GRIK2: variants seen among roughly 807,000 people sequenced by gnomAD.
GRIK2 encodes glutamate ionotropic receptor kainate type subunit 2, also known as glutamate receptor ionotropic, kainate 2.
A neutral mutation model predicts 100.3 loss-of-function variants in GRIK2; 32 were observed. The ratio of observed to expected loss-of-function variants is 0.32; its 90% CI spans 0.24 to 0.43. The LOEUF (loss-of-function observed/expected upper bound fraction) is 0.43, where lower values mean the gene tolerates loss of function less well. Among genes scored for constraint, GRIK2 ranks in the 20% least tolerant of loss-of-function variants. The pLI, the probability that GRIK2 is intolerant of heterozygous loss-of-function variation, is 1.00. For missense variants in GRIK2, 843 were observed against 1,114.9 expected, an observed-to-expected ratio of 0.76 and a Z score of 3.47; for synonymous variants, 417 against 389.4, an observed-to-expected ratio of 1.07 and a Z score of -0.83.
chr6:101,960,048 G>T (rs1020610216), intron 14 of GRIK2, among the ~76,000 whole-genome samples: 131 of 118,072 alleles, frequency 1.1e-3, no homozygotes, highest in South Asian at 1.3e-3. Flanking sequence ...TTTTTTTAGT[G>T]TTTTGTTTTT....
chr6:101,542,488 G>GT (rs5878674), intron 2 of GRIK2, among the ~76,000 whole-genome samples: 152,213 of 152,216 alleles, frequency 1, 76,105 homozygotes, highest in Middle Eastern at 1. Flanking sequence ...TAGCAAGAAG[G>GT]TGTTTTGATG....
intron 4 of GRIK2, among the ~76,000 whole-genome samples, chr6:101,670,821 G>A (rs1770378590): frequency 1.3e-5 from 2 of 152,084 alleles, no homozygotes; most frequent in African/African-American, 4.8e-5. Flanking sequence ...TTTACTGAGA[G>A]TCTAATATAT....
chr6:102,067,928 T>A (rs1330342886), intron 16 of GRIK2, among the ~76,000 whole-genome samples: 2 of 151,940 alleles, frequency 1.3e-5, no homozygotes, highest in African/African-American at 4.8e-5. Flanking sequence ...GCATATCTCA[T>A]CTTGTGATCT....
chr6:101,933,798 CA>C (rs1333106031), intron 14 of GRIK2, among the ~76,000 whole-genome samples: 1 of 151,908 alleles, frequency 6.6e-6, no homozygotes, highest in Non-Finnish European at 1.5e-5. Flanking sequence ...AAGGTTTATT[CA>C]AAACATAGAG....
chr6:101,865,692 G>T (rs1785006266), intron 11 of GRIK2, among the ~76,000 whole-genome samples: 1 of 152,004 alleles, frequency 6.6e-6, no homozygotes, highest in South Asian at 2.1e-4. Flanking sequence ...TTCAAGACCA[G>T]CCTGGCCAAC....
chr6:101,789,113 GT>G (rs1779644126), intron 7 of GRIK2, among the ~76,000 whole-genome samples: 1 of 152,024 alleles, frequency 6.6e-6, no homozygotes. Context: ...TTAGCCCTTT[GT>G]CAGATGAGTA....
intron 15 of GRIK2, among the ~76,000 whole-genome samples, chr6:102,039,869 G>T (rs1649017028): frequency 6.6e-6 from 1 of 151,512 alleles, no homozygotes; most frequent in Non-Finnish European, 1.5e-5. Flanking sequence ...GTTTAGCAAT[G>T]AGTTAGTGTC....
chr6:101,686,203 G>A lies in GRIK2; in HGVS notation c.801G>A (p.Glu267=), dbSNP rs1354147673. ...AGGACCTCTTTGCTCTTGATGTTGA[G>A]CCCTACCGATACAGTGGTGTTAACA... ...TTLDLFALDV[E]PYRYSGVNMT... is the part of the protein sequence containing the mutation. Residue 267 remains glutamate, a synonymous_variant, in exon 7 of 17, where the codon GAG becomes GAA. Transcript: ENST00000369134. 6.2e-7 allele frequency: 1 copy of A among 1,611,968 alleles called. No individual in the cohort carries two copies. Among genetic ancestry groups the A allele is most frequent in the Non-Finnish European group, 8.5e-7 (1 of 1,178,492 alleles).
At chr6:101,860,417 AT>A (rs1395221923) in intron 11 of GRIK2, among the ~76,000 whole-genome samples, 1 of 152,170 alleles carries the variant, frequency 6.6e-6, no homozygotes, top group Admixed American at 6.5e-5. Context: ...GAAGTCATGA[AT>A]ATTTATGAAA....
chr6:101,421,799 A>T (rs6909394), intron 2 of GRIK2, among the ~76,000 whole-genome samples: 104,130 of 151,984 alleles, frequency 0.69, 35,983 homozygotes, highest in East Asian at 0.92. Context: ...ATGATCTCTT[A>T]GAGAAACAAC....
At chr6:101,961,688 TTTG>T (rs1582623012) in intron 14 of GRIK2, among the ~76,000 whole-genome samples, 2 of 152,116 alleles carry the variant, frequency 1.3e-5, no homozygotes, top group East Asian at 3.9e-4. Context: ...CACTCCGGTT[TTTG>T]TTGTTCCAAG....
At position 101,797,685 on chromosome 6, in the gene GRIK2, AT is replaced by A. The variant is rs377326754; in HGVS notation, c.952-1955del. Among the ~76,000 whole-genome samples the A allele has an allele frequency of 1.5e-3, 174 of 116,650 alleles. No homozygotes were observed. The East Asian group carries it at 0.036, about 24-fold the overall frequency. The allele number at this position is 116,650 out of a possible 152,430, so 76.5% of individuals were successfully genotyped here. A position where few individuals can be genotyped will look rare whatever the true frequency, so the allele number is the denominator to read the frequency against. On this transcript the variant is annotated intron_variant, in intron 7 of 16. Transcript: ENST00000369134. Reference sequence around the variant, plus strand: ...GTATTTCCATAATAAACCATTATATATTTTTTTTATGTATATATTACATATA... The same window carrying A: ...GTATTTCCATAATAAACCATTATATATTTTTTTATGTATATATTACATATA...
At chr6:101,429,255 A>G (rs1397262498) in intron 2 of GRIK2, among the ~76,000 whole-genome samples, 1 of 152,058 alleles carries the variant, frequency 6.6e-6, no homozygotes, top group Non-Finnish European at 1.5e-5. Flanking sequence ...TGTAAATGGC[A>G]CGTTCAGAGG....
intron 13 of GRIK2, 130 bp downstream of exon 13, chr6:101,924,849 C>T (rs1328132147): frequency 6.3e-6 from 4 of 639,170 alleles, no homozygotes; most frequent in Non-Finnish European, 1.1e-5. Context: ...GCTTTTCCAT[C>T]GACCTAATGC....
chr6:101,755,270 C>T (rs1777065130), intron 7 of GRIK2, among the ~76,000 whole-genome samples: 1 of 149,956 alleles, frequency 6.7e-6, no homozygotes, highest in Non-Finnish European at 1.5e-5. Flanking sequence ...GGGTTCACGC[C>T]ATTCTCCTGC....
At chr6:101,406,712 G>C (rs796399599) in intron 2 of GRIK2, among the ~76,000 whole-genome samples, 4 of 152,270 alleles carry the variant, frequency 2.6e-5, no homozygotes, top group African/African-American at 9.6e-5. Context: ...TGAGAAAAGA[G>C]AGAAGTTAAA....
intron 14 of GRIK2, among the ~76,000 whole-genome samples, chr6:101,991,353 G>C (rs1794364221): frequency 6.6e-6 from 1 of 150,392 alleles, no homozygotes; most frequent in South Asian, 2.1e-4. Flanking sequence ...TATGAAGTTG[G>C]AATGTCTGAC....
At chr6:101,725,678 C>T (rs983057283) in intron 7 of GRIK2, among the ~76,000 whole-genome samples, 4 of 151,884 alleles carry the variant, frequency 2.6e-5, no homozygotes, top group Admixed American at 1.3e-4. Context: ...TACATGTTTA[C>T]CTTAGCTATG....
chr6:101,835,824 A>G (rs1052068984), intron 10 of GRIK2, among the ~76,000 whole-genome samples: 2 of 83,894 alleles, frequency 2.4e-5, no homozygotes, highest in African/African-American at 6.5e-5. Flanking sequence ...TCCTGCTGCA[A>G]CATGGCTTTG....
Sources: allele counts gnomAD v4.1 joint callset (sites outside exome capture counted in the v4.1 genomes callset), GRCh38; gene constraint gnomAD v4.1.1; transcripts MANE v1.5; gene names NCBI Gene and HGNC (gene_info 2026-07-23, HGNC 2026-07-21).